CHL1: variants seen among roughly 807,000 people sequenced by gnomAD.
CHL1 encodes the protein neural cell adhesion molecule L1-like protein.
In CHL1, 96 loss-of-function variants were observed where a neutral mutation model predicts 141.9. The ratio of observed to expected loss-of-function variants is 0.68; its 90% CI spans 0.57 to 0.80. The LOEUF (loss-of-function observed/expected upper bound fraction) is 0.80. CHL1 is among the 30% of genes least tolerant of loss of function. CHL1 has a pLI of 0.00. For synonymous variants in CHL1, 613 were observed against 502.2 expected (o/e 1.22, Z -2.95); for missense variants, 1,820 against 1,457.2 (o/e 1.25, Z -4.05).
chr3:396,349 C>T (rs1026691887), intron 24 of CHL1, among the ~76,000 whole-genome samples: 1 of 152,094 alleles, frequency 6.6e-6, no homozygotes, highest in African/African-American at 2.4e-5. Context: ...TTTTTAAAAA[C>T]AGAATTTAAG....
chr3:376,929 G>A (rs1371497716), intron 15 of CHL1, among the ~76,000 whole-genome samples: 1 of 152,050 alleles, frequency 6.6e-6, no homozygotes, highest in East Asian at 1.9e-4. Flanking sequence ...TCATTACACT[G>A]CAATTTAAAG....
chr3:291,668 A>G (rs989586913), intron 2 of CHL1, among the ~76,000 whole-genome samples: 1 of 152,158 alleles, frequency 6.6e-6, no homozygotes, highest in African/African-American at 2.4e-5. Flanking sequence ...CTCTCCAAAT[A>G]AGAGATTTTT....
chr3:311,804 G>T (rs1407959220), intron 2 of CHL1, among the ~76,000 whole-genome samples: 1 of 152,122 alleles, frequency 6.6e-6, no homozygotes, highest in African/African-American at 2.4e-5. Flanking sequence ...GTACATCTGA[G>T]ATTTTTATTT....
At chr3:374,706 A>C (rs1347417320) in intron 15 of CHL1, among the ~76,000 whole-genome samples, 1 of 152,220 alleles carries the variant, frequency 6.6e-6, no homozygotes, top group African/African-American at 2.4e-5. Context: ...GGAGCAAGGA[A>C]GCCTGGGAGT....
chr3:289,497 C>T (rs1399548378), intron 2 of CHL1, among the ~76,000 whole-genome samples: 1 of 152,086 alleles, frequency 6.6e-6, no homozygotes, highest in Non-Finnish European at 1.5e-5. Context: ...TCTCATTATT[C>T]ATGGTAGTTA....
chr3:379,499 C>G (rs1463313339), intron 16 of CHL1, among the ~76,000 whole-genome samples: 1 of 151,968 alleles, frequency 6.6e-6, no homozygotes, highest in African/African-American at 2.4e-5. Context: ...GGAATTCATC[C>G]CAGGCCTAGT....
At chr3:211,808 A>T (rs1699927038) in intron 1 of CHL1, among the ~76,000 whole-genome samples, 2 of 152,212 alleles carry the variant, frequency 1.3e-5, no homozygotes, top group South Asian at 4.1e-4. Flanking sequence ...AATACTATAA[A>T]TTGCTTTTGA....
At chr3:312,264 A>C (rs1050638507) in intron 2 of CHL1, among the ~76,000 whole-genome samples, 2 of 152,206 alleles carry the variant, frequency 1.3e-5, no homozygotes, top group African/African-American at 4.8e-5. Flanking sequence ...TGTGTACAAA[A>C]TGTGCCAGCT....
intron 3 of CHL1, 73 bp downstream of exon 3, chr3:319,940 T>A: frequency 3.7e-6 from 3 of 807,318 alleles, no homozygotes; most frequent in Non-Finnish European, 6.1e-6. Context: ...AGAATACTTA[T>A]GGATTGAGGA....
At chr3:205,580 G>A (rs1483200298) in intron 1 of CHL1, among the ~76,000 whole-genome samples, 2 of 152,192 alleles carry the variant, frequency 1.3e-5, no homozygotes, top group African/African-American at 2.4e-5. Flanking sequence ...CAAAGATAGG[G>A]AGATAGACTT....
In CHL1 at chr3:397,481, T is replaced by C. The variant is rs3773375; in HGVS notation, c.3095-746T>C. ...ATCATTGTTAACATTTTCTGGGTTA[T>C]GTTTATTATATTGAGTTGATTCCCA... On this transcript the variant is annotated intron_variant, in intron 24 of 27. Transcript: ENST00000256509. Among the ~76,000 whole-genome samples the C allele has an allele frequency of 4.0e-4, 61 of 152,244 alleles. 1 individual carries two copies. In the East Asian group the frequency reaches 0.011, roughly 27 times the overall value.
At chr3:331,750 A>G (rs1056155874) in intron 5 of CHL1, among the ~76,000 whole-genome samples, 1 of 152,192 alleles carries the variant, frequency 6.6e-6, no homozygotes, top group African/African-American at 2.4e-5. Context: ...AATCTTTATA[A>G]AAAAGGAAAA....
At chr3:346,467 T>C (rs537790247) in intron 9 of CHL1, among the ~76,000 whole-genome samples, 1 of 152,326 alleles carries the variant, frequency 6.6e-6, no homozygotes, top group East Asian at 1.9e-4. Context: ...ATCCTTTCTG[T>C]AATTCTTTTT....
At chr3:354,818 G>A (rs377748353) in intron 11 of CHL1, 47 bp downstream of exon 11, 1 of 1,606,416 alleles carries the variant, frequency 6.2e-7, no homozygotes, top group African/African-American at 1.3e-5. Context: ...GCCCTGGTTT[G>A]ACGGGATTAA....
intron 15 of CHL1, among the ~76,000 whole-genome samples, chr3:370,335 G>A (rs1483262262): frequency 6.6e-6 from 1 of 152,158 alleles, no homozygotes; most frequent in Non-Finnish European, 1.5e-5. Context: ...GAGGGTGTAT[G>A]TGTCCAAGAA....
At chr3:258,529 T>G (rs898800091) in intron 2 of CHL1, among the ~76,000 whole-genome samples, 1 of 152,236 alleles carries the variant, frequency 6.6e-6, no homozygotes, top group African/African-American at 2.4e-5. Context: ...CGAAACCCTG[T>G]TCTATTACTT....
At chr3:287,642 G>C (rs1037721647) in intron 2 of CHL1, among the ~76,000 whole-genome samples, 1 of 152,160 alleles carries the variant, frequency 6.6e-6, no homozygotes, top group Non-Finnish European at 1.5e-5. Context: ...ACTGGATTTA[G>C]TAAGATGCTT....
chr3:227,431 C>T (rs971394421), intron 1 of CHL1, among the ~76,000 whole-genome samples: 2 of 152,154 alleles, frequency 1.3e-5, no homozygotes, highest in Admixed American at 6.5e-5. Context: ...AACAGAAAAC[C>T]TCGTCTTTTC....
Position 376,967 on chromosome 3 carries a change from C to A in CHL1, c.1752-851C>A, listed in dbSNP as rs773781556. ...GGTTTATATAATTCAAAATTCTCAG[C>A]ATTTTATATGAAATGTACATAAAAA... On this transcript the variant is annotated intron_variant, in intron 15 of 27. Transcript: ENST00000256509. 5.1e-4 allele frequency among the ~76,000 whole-genome samples: 77 copies of A among 152,168 alleles called. 2 individuals carry two copies. The highest frequency in any genetic ancestry group is 1.5e-4 in the Non-Finnish European group (10 of 68,026).
Sources: allele counts gnomAD v4.1 joint callset (sites outside exome capture counted in the v4.1 genomes callset), GRCh38; gene constraint gnomAD v4.1.1; transcripts MANE v1.5; gene names NCBI Gene and HGNC (gene_info 2026-07-23, HGNC 2026-07-21).